ATP8B4: variants seen among roughly 807,000 people sequenced by gnomAD.
The protein encoded by ATP8B4 is ATPase phospholipid transporting 8B4 (putative).
A neutral mutation model predicts 145.6 loss-of-function variants in ATP8B4; 133 were observed. That is an observed-to-expected ratio of 0.91 (90% CI 0.79 to 1.05). The LOEUF is 1.05. ATP8B4 is among the 50% of genes least tolerant of loss of function. ATP8B4 has a pLI of 0.00. For synonymous variants in ATP8B4, 507 were observed against 492.9 expected, an observed-to-expected ratio of 1.03 and a Z score of -0.38; for missense variants, 1,458 against 1,425.2, an observed-to-expected ratio of 1.02 and a Z score of -0.37.
rs183467434 is a variant in ATP8B4, at chr15:49,951,312, C to T, written c.1287+10665G>A. Among the ~76,000 whole-genome samples, 284 of 152,244 alleles carry T rather than the reference C, an allele frequency of 1.9e-3. 4 individuals carry two copies. The highest frequency in any genetic ancestry group is 0.017 in the Middle Eastern group (5 of 294). The stretch of plus-strand genomic sequence containing the variant: ...GACAGTGGGATGTTAAAGTCTCCCA[C>T]TATTATTGTGTGGGAGTCTAAGTCT... On this transcript the variant is annotated intron_variant, in intron 14 of 27. Coordinates refer to ENST00000284509, the MANE Select transcript of ATP8B4 (RefSeq NM_024837.4).
At chr15:50,170,991 T>C (rs1183126686) in intron 1 of ATP8B4, among the ~76,000 whole-genome samples, 1 of 152,210 alleles carries the variant, frequency 6.6e-6, no homozygotes, top group African/African-American at 2.4e-5. Flanking sequence ...TAAAAGGCCT[T>C]GTTCAACAGG....
chr15:49,951,124 T>A (rs140753720), intron 14 of ATP8B4, among the ~76,000 whole-genome samples: 224 of 152,304 alleles, frequency 1.5e-3, no homozygotes, highest in Admixed American at 2.4e-3. Context: ...CAATTATGTG[T>A]TCAATTTTAG....
intron 25 of ATP8B4, among the ~76,000 whole-genome samples, chr15:49,876,042 G>A (rs1427023881): frequency 6.6e-6 from 1 of 152,038 alleles, no homozygotes; most frequent in African/African-American, 2.4e-5. Flanking sequence ...ACAACCCAAA[G>A]AAGTGATACA....
At chr15:50,121,464 C>T (rs926278179), upstream of ATP8B4, among the ~76,000 whole-genome samples, 4 of 152,032 alleles carry the variant, frequency 2.6e-5, no homozygotes, top group Non-Finnish European at 5.9e-5. Context: ...CTGAACTGTA[C>T]ACTTAAAGGT....
chr15:50,171,557 G>A (rs1450487280), intron 1 of ATP8B4, among the ~76,000 whole-genome samples: 1 of 152,106 alleles, frequency 6.6e-6, no homozygotes, highest in Non-Finnish European at 1.5e-5. Context: ...AGCAAAGGCG[G>A]TGCTAAGAGG....
intron 3 of ATP8B4, among the ~76,000 whole-genome samples, chr15:50,048,176 G>C (rs1014203274): frequency 5.9e-5 from 9 of 152,212 alleles, no homozygotes; most frequent in African/African-American, 2.2e-4. Context: ...GACATTAACA[G>C]GAGGGGAGCT....
intron 17 of ATP8B4, 75 bp from the exon 18 acceptor site, chr15:49,920,485 G>C: frequency 6.9e-7 from 1 of 1,448,318 alleles, no homozygotes; most frequent in Admixed American, 2.7e-5. Flanking sequence ...AAAAATAATT[G>C]GTGAGAAATT....
intron 1 of ATP8B4, among the ~76,000 whole-genome samples, chr15:50,113,502 CTGTGTATG>C (rs568573190): frequency 9.9e-5 from 15 of 151,800 alleles, no homozygotes; most frequent in East Asian, 3.9e-4. Flanking sequence ...TTAAGCCAAT[CTGTGTATG>C]TGTGTATGTG....
At chr15:50,137,935 A>C (rs1242749040) in intron 1 of ATP8B4, among the ~76,000 whole-genome samples, 1 of 152,158 alleles carries the variant, frequency 6.6e-6, no homozygotes, top group East Asian at 1.9e-4. Context: ...TCCCTTATCA[A>C]AGTTCTCACT....
At chr15:50,001,541 T>C (rs2047895090) in intron 8 of ATP8B4, among the ~76,000 whole-genome samples, 1 of 152,200 alleles carries the variant, frequency 6.6e-6, no homozygotes, top group East Asian at 1.9e-4. Context: ...AGGGCATAAT[T>C]ACATAGCACC....
At chr15:50,054,479 A>G (rs746513865) in intron 3 of ATP8B4, among the ~76,000 whole-genome samples, 7 of 152,176 alleles carry the variant, frequency 4.6e-5, no homozygotes, top group Non-Finnish European at 8.8e-5. Context: ...CATATCTACT[A>G]GCAAATATAT....
chr15:49,989,694 G>A (rs917282061), intron 9 of ATP8B4, among the ~76,000 whole-genome samples: 6 of 150,152 alleles, frequency 4.0e-5, no homozygotes, highest in South Asian at 2.1e-4. Flanking sequence ...GTGTGGTCTC[G>A]GTGATGTAAG....
rs756633511 is a variant in ATP8B4 at position 50,106,977 on chromosome 15, G to T, written c.-11C>A. On this transcript the variant is annotated 5_prime_UTR_variant, in exon 2 of 28. Transcript: ENST00000284509. Reference sequence around the variant, plus strand: ...TTCACTGCAGAACATTATTATACCTGATCTTTCACCAGGTCTCAACAGGTG... The same window carrying T: ...TTCACTGCAGAACATTATTATACCTTATCTTTCACCAGGTCTCAACAGGTG... 5 of 1,586,108 alleles carry T rather than the reference G, an allele frequency of 3.2e-6. No individual in the cohort carries two copies. The South Asian group carries it at 4.8e-5, about 15-fold the overall frequency.
Position 49,880,497 on chromosome 15 carries a change from T to G in ATP8B4, c.2698-1038A>C, listed in dbSNP as rs544267357. 4.6e-5 allele frequency: 7 copies of G among 152,222 alleles called. No homozygotes were observed. In the East Asian group the frequency reaches 1.4e-3, roughly 29 times the overall value. 9.4% of individuals were successfully genotyped at this position (152,222 alleles called of 1,614,324 possible). On this transcript the variant is annotated intron_variant, in intron 23 of 27. Coordinates refer to ENST00000284509, the MANE Select transcript of ATP8B4 (RefSeq NM_024837.4). ...GGTAAGAAGAACAATCCTATGTAAC[T>G]AAACATGGCTTATTACCTAAGTGAA... is the stretch of plus-strand genomic sequence containing the variant.
chr15:49,918,533 A>G (rs1397172092), intron 19 of ATP8B4, among the ~76,000 whole-genome samples: 1 of 152,192 alleles, frequency 6.6e-6, no homozygotes, highest in East Asian at 1.9e-4. Context: ...GACAGTGTTC[A>G]TATAAACCAA....
intron 5 of ATP8B4, among the ~76,000 whole-genome samples, chr15:50,042,400 G>C (rs182754254): frequency 8.5e-4 from 129 of 152,194 alleles, no homozygotes; most frequent in African/African-American, 3.0e-3. Flanking sequence ...GAACCAACTT[G>C]ATAAGTACAA....
chr15:50,028,249 C>T (rs1021054682), intron 6 of ATP8B4, among the ~76,000 whole-genome samples: 3 of 152,290 alleles, frequency 2.0e-5, no homozygotes, highest in Admixed American at 2.0e-4. Flanking sequence ...ATGCTGTCTG[C>T]CTCTATCTTT....
At chr15:49,928,861 G>A (rs947971391) in intron 16 of ATP8B4, among the ~76,000 whole-genome samples, 2 of 151,962 alleles carry the variant, frequency 1.3e-5, no homozygotes, top group African/African-American at 2.4e-5. Flanking sequence ...AGAAGGAGAT[G>A]GATTAGAGAA....
At chr15:49,861,465 T>TAC (rs1566884480) in intron 27 of ATP8B4, among the ~76,000 whole-genome samples, 6 of 147,024 alleles carry the variant, frequency 4.1e-5, no homozygotes, top group African/African-American at 1.6e-4. Flanking sequence ...TATCTATCTA[T>TAC]CTATCTATCT....
Sources: allele counts gnomAD v4.1 joint callset (sites outside exome capture counted in the v4.1 genomes callset), GRCh38; gene constraint gnomAD v4.1.1; transcripts MANE v1.5; gene names NCBI Gene and HGNC (gene_info 2026-07-23, HGNC 2026-07-21).